LTBP1: variants seen among roughly 807,000 people sequenced by gnomAD.
LTBP1 encodes the protein latent transforming growth factor beta binding protein 1.
A neutral mutation model predicts 207.6 loss-of-function variants in LTBP1; 129 were observed. The observed-to-expected ratio is 0.62, with a 90% CI of 0.54 to 0.72. The LOEUF is 0.72. LTBP1 is among the 30% of genes least tolerant of loss of function. LTBP1 has a pLI of 0.00. For missense variants in LTBP1, 2,281 were observed against 2,217.2 expected, an observed-to-expected ratio of 1.03 and a Z score of -0.58; for synonymous variants, 963 against 833.7, an observed-to-expected ratio of 1.16 and a Z score of -2.67.
At chr2:33,201,659 A>AAG (rs1290498435) in intron 7 of LTBP1, among the ~76,000 whole-genome samples, 3 of 152,202 alleles carry the variant, frequency 2.0e-5, no homozygotes, top group African/African-American at 7.2e-5. Context: ...AGAAAAAAAA[A>AAG]GAAACAAACT....
intron 2 of LTBP1, among the ~76,000 whole-genome samples, chr2:32,988,366 G>A (rs949398678): frequency 2.6e-5 from 4 of 152,096 alleles, no homozygotes; most frequent in African/African-American, 9.7e-5. Flanking sequence ...TTAAACTCTG[G>A]GGAGTCAGGT....
chr2:33,228,041 G>A (rs2091550856), intron 9 of LTBP1, among the ~76,000 whole-genome samples: 2 of 151,834 alleles, frequency 1.3e-5, no homozygotes, highest in Admixed American at 1.3e-4. Context: ...TCCTGACCTC[G>A]TGATCCGCCC....
intron 5 of LTBP1, among the ~76,000 whole-genome samples, chr2:33,186,455 A>G (rs549999504): frequency 5.3e-4 from 81 of 152,316 alleles, no homozygotes; most frequent in Middle Eastern, 3.4e-3. Context: ...CTACCAGGCC[A>G]TACATACCCC....
intron 3 of LTBP1, among the ~76,000 whole-genome samples, chr2:33,093,332 T>G (rs1196316455): frequency 6.6e-6 from 1 of 152,178 alleles, no homozygotes; most frequent in African/African-American, 2.4e-5. Flanking sequence ...TTTCCCCTGC[T>G]CTCCCTCCTA....
At chr2:33,017,889 T>A (rs1049954517) in intron 2 of LTBP1, among the ~76,000 whole-genome samples, 1 of 152,216 alleles carries the variant, frequency 6.6e-6, no homozygotes, top group Non-Finnish European at 1.5e-5. Context: ...GTACAAGTTT[T>A]GCTTTTTATG....
rs185621084 is a variant in LTBP1, at chr2:33,002,492, C to T, written c.566-18417C>T. ...GCTGCTAGGCATTGTCTGGGAGTAC[C>T]CTGGAAGGTCAGGCCCAGCGTCTCT... On this transcript the variant is annotated intron_variant, in intron 2 of 33. Transcript: ENST00000404816. Among the ~76,000 whole-genome samples, 29 of 152,190 alleles carry T rather than the reference C, an allele frequency of 1.9e-4. 1 individual carries two copies. The East Asian group carries it at 5.2e-3, about 27-fold the overall frequency.
At chr2:33,278,687 G>A (rs887506415) in intron 18 of LTBP1, among the ~76,000 whole-genome samples, 4 of 152,140 alleles carry the variant, frequency 2.6e-5, no homozygotes, top group African/African-American at 9.7e-5. Context: ...TGTCTCGATG[G>A]CATTCTCTGA....
At chr2:32,960,984 T>G (rs529360857) in intron 2 of LTBP1, among the ~76,000 whole-genome samples, 53 of 152,286 alleles carry the variant, frequency 3.5e-4, no homozygotes, top group Admixed American at 3.2e-3. Flanking sequence ...ACAAGCACAG[T>G]CAACACAAGT....
chr2:33,329,095 GC>G (rs1180412341), intron 24 of LTBP1, among the ~76,000 whole-genome samples: 2 of 152,128 alleles, frequency 1.3e-5, no homozygotes, highest in Non-Finnish European at 2.9e-5. Context: ...CATATATATA[GC>G]CAGTTTTTCA....
At chr2:33,394,190 A>G (rs1204690620) in intron 32 of LTBP1, among the ~76,000 whole-genome samples, 1 of 152,108 alleles carries the variant, frequency 6.6e-6, no homozygotes, top group Non-Finnish European at 1.5e-5. Flanking sequence ...GATTCTGGAT[A>G]TTAGCCCTTT....
intron 24 of LTBP1, among the ~76,000 whole-genome samples, chr2:33,339,083 C>T (rs1458618164): frequency 1.3e-5 from 2 of 151,522 alleles, no homozygotes; most frequent in East Asian, 3.9e-4. Flanking sequence ...AGATGACCCA[C>T]CAAGAGTATG....
At chr2:33,187,192 C>G (rs941593461) in intron 6 of LTBP1, 112 bp downstream of exon 6, 4 of 850,234 alleles carry the variant, frequency 4.7e-6, no homozygotes, top group Non-Finnish European at 5.5e-6. Flanking sequence ...GAAAGGAGTA[C>G]ATGATTTGTG....
chr2:33,114,528 T>C (rs768668279), intron 4 of LTBP1, among the ~76,000 whole-genome samples: 4 of 152,176 alleles, frequency 2.6e-5, no homozygotes, highest in Non-Finnish European at 5.9e-5. Flanking sequence ...GAGGCCCTGC[T>C]TCTAGCAGCT....
intron 3 of LTBP1, among the ~76,000 whole-genome samples, chr2:33,049,541 A>G (rs548367994): frequency 1.3e-5 from 2 of 152,368 alleles, no homozygotes; most frequent in Admixed American, 1.3e-4. Flanking sequence ...GATTAAAAAA[A>G]TGAAACCCAT....
chr2:33,206,754 A>T (rs941537260), intron 7 of LTBP1, among the ~76,000 whole-genome samples: 1 of 150,808 alleles, frequency 6.6e-6, no homozygotes, highest in African/African-American at 2.4e-5. Flanking sequence ...AAAAAAAAAA[A>T]GAAAAATTGG....
intron 9 of LTBP1, among the ~76,000 whole-genome samples, chr2:33,236,911 G>C (rs6742773): frequency 1.3e-5 from 2 of 152,090 alleles, no homozygotes; most frequent in African/African-American, 4.8e-5. Flanking sequence ...ATGTTACCCC[G>C]AAGACAGAAG....
chr2:33,087,659 A>G (rs545557114), intron 3 of LTBP1, among the ~76,000 whole-genome samples: 1 of 152,326 alleles, frequency 6.6e-6, no homozygotes, highest in East Asian at 1.9e-4. Context: ...ACAGAATGTA[A>G]ATGATAGCTG....
Position 33,367,271 on chromosome 2 carries a change from C to T in LTBP1, c.4711+1768C>T, listed in dbSNP as rs562126511. On this transcript the variant is annotated intron_variant, in intron 31 of 33. Coordinates refer to ENST00000404816, the MANE Select transcript of LTBP1 (RefSeq NM_206943.4). ...ATAACAATGTCCACGGGTTATTTTT[C>T]CCAATTTTTAACATCTGTTATATCA... 1.5e-4 allele frequency among the ~76,000 whole-genome samples: 23 copies of T among 152,164 alleles called. No individual in the cohort carries two copies. The South Asian group carries it at 4.6e-3, about 30-fold the overall frequency.
chr2:32,947,990 T>C (rs984810871), intron 1 of LTBP1, among the ~76,000 whole-genome samples, 172 bp downstream of exon 1: 6 of 151,848 alleles, frequency 4.0e-5, no homozygotes, highest in African/African-American at 1.5e-4. Flanking sequence ...AAGAGGGGAG[T>C]GCGGGGAAGC....
Sources: allele counts gnomAD v4.1 joint callset (sites outside exome capture counted in the v4.1 genomes callset), GRCh38; gene constraint gnomAD v4.1.1; transcripts MANE v1.5; gene names NCBI Gene and HGNC (gene_info 2026-07-23, HGNC 2026-07-21).